Variants in SNAPC1 observed in about 807,000 individuals in gnomAD.
SNAPC1 encodes snRNA-activating protein complex subunit 1.
Under a neutral mutation model 50.1 loss-of-function variants are expected in SNAPC1, and 42 were observed. The observed-to-expected ratio is 0.84, with a 90% CI of 0.65 to 1.08. SNAPC1 has a LOEUF of 1.08. SNAPC1 is among the 50% of genes least tolerant of loss of function. The pLI is 0.00. For missense variants in SNAPC1, 477 were observed against 427.3 expected, an observed-to-expected ratio of 1.12 and a Z score of -1.02; for synonymous variants, 164 against 144.2, an observed-to-expected ratio of 1.14 and a Z score of -0.98.
chr14:61,777,785 A>G (rs1170107552), intron 5 of SNAPC1, among the ~76,000 whole-genome samples: 1 of 151,822 alleles, frequency 6.6e-6, no homozygotes, highest in Non-Finnish European at 1.5e-5. Context: ...AAAGAGCATT[A>G]CTCCAAGCTC....
chr14:61,782,870 C>T lies in SNAPC1; in HGVS notation c.976+473C>T, dbSNP rs112083510. Among the ~76,000 whole-genome samples the T allele has an allele frequency of 8.6e-3, 1,304 of 152,172 alleles. 6 individuals are homozygous for T. Among genetic ancestry groups the T allele is most frequent in the Middle Eastern group, 0.031 (9 of 294 alleles). On this transcript the variant is annotated intron_variant, in intron 8 of 9. Transcript: ENST00000216294. ...GCAGTGAGCTGAGATCATGTCACTT[C>T]ACTCCAGCATAGGTGACAGAGCAAG...
At chr14:61,785,651 T>G (rs989922928) in intron 8 of SNAPC1, among the ~76,000 whole-genome samples, 10 of 152,220 alleles carry the variant, frequency 6.6e-5, no homozygotes, top group African/African-American at 2.4e-4. Context: ...CATCAATATG[T>G]GTAAGTCGTA....
chr14:61,792,867 C>CAGA lies in SNAPC1; in HGVS notation c.1047_1049dup (p.Glu350dup). 1 of 1,605,618 alleles carries CAGA rather than the reference C, an allele frequency of 6.2e-7. No homozygotes were observed. The highest frequency in any genetic ancestry group is 8.5e-7 in the Non-Finnish European group (1 of 1,174,972). ...TTAAGTCTGAGTATGCCTGTAATTA[C>CAGA]AGAAGAAGAAGAGAATGAAAGTTTG... is the stretch of plus-strand genomic sequence containing the variant. On this transcript the variant is annotated inframe_insertion, in exon 9 of 10. Coordinates refer to ENST00000216294, the MANE Select transcript of SNAPC1 (RefSeq NM_003082.4).
At chr14:61,772,851 T>G (rs963044734) in intron 4 of SNAPC1, among the ~76,000 whole-genome samples, 1 of 152,120 alleles carries the variant, frequency 6.6e-6, no homozygotes, top group Non-Finnish European at 1.5e-5. Flanking sequence ...ATCAGAAGGG[T>G]CAAGCTATGA....
chr14:61,781,790 C>T (rs1349074261), intron 7 of SNAPC1, among the ~76,000 whole-genome samples: 2 of 152,210 alleles, frequency 1.3e-5, no homozygotes, highest in African/African-American at 4.8e-5. Flanking sequence ...ATACCACATA[C>T]CCCGCCTGCT....
intron 5 of SNAPC1, 39 bp from the exon 6 acceptor site, chr14:61,778,033 A>T: frequency 1.1e-6 from 1 of 911,596 alleles, no homozygotes; most frequent in Non-Finnish European, 1.7e-6. Context: ...GTAAATTTGT[A>T]TGTGTGTATG....
chr14:61,791,964 T>G (rs555128825), intron 8 of SNAPC1, among the ~76,000 whole-genome samples: 1 of 152,168 alleles, frequency 6.6e-6, no homozygotes, highest in African/African-American at 2.4e-5. Context: ...CTTATTGTAG[T>G]GAACATCTTT....
intron 4 of SNAPC1, among the ~76,000 whole-genome samples, chr14:61,770,071 G>A (rs1313618680): frequency 1.3e-5 from 2 of 152,074 alleles, no homozygotes; most frequent in East Asian, 1.9e-4. Context: ...ATGAGGTGAT[G>A]CCTAAATAGT....
Position 61,762,585 on chromosome 14 carries a change from T to A in SNAPC1, c.125T>A (p.Phe42Tyr). 3.1e-6 allele frequency: 5 copies of A among 1,613,288 alleles called. No individual in the cohort carries two copies. Among genetic ancestry groups the A allele is most frequent in the Non-Finnish European group, 4.2e-6 (5 of 1,179,606 alleles). ...AGAAACATGAAGTTCGGGACTATCT[T>A]CTGGTGGGTGTTTCTTGTCCACCAC... is the stretch of plus-strand genomic sequence containing the variant. ...LWRNMKFGTIFCGRMRNLEKN... is the reference protein window; with the variant it reads ...LWRNMKFGTIYCGRMRNLEKN... The change falls in exon 1 of 10, where the codon TTC becomes TAC. Residue 42 changes from phenylalanine (F) to tyrosine (Y), a missense_variant. Physicochemically the swap from Phe to Tyr is conservative, Grantham distance 22 (BLOSUM62 3). Transcript: ENST00000216294.
chr14:61,783,109 G>A (rs1056480271), intron 8 of SNAPC1, among the ~76,000 whole-genome samples: 5 of 136,748 alleles, frequency 3.7e-5, no homozygotes, highest in Non-Finnish European at 7.6e-5. Flanking sequence ...TGCAACCTCC[G>A]CCTCCCAGGT....
chr14:61,786,375 G>T (rs1452661216), intron 8 of SNAPC1, among the ~76,000 whole-genome samples: 1 of 151,992 alleles, frequency 6.6e-6, no homozygotes, highest in Non-Finnish European at 1.5e-5. Flanking sequence ...CCACAGACTG[G>T]GAGAAAATTT....
chr14:61,773,710 A>AT (rs2045012787), intron 4 of SNAPC1, among the ~76,000 whole-genome samples: 1 of 82,834 alleles, frequency 1.2e-5, no homozygotes, highest in Non-Finnish European at 2.5e-5. Context: ...TTTTTTTTTT[A>AT]TTTTTTAAGG....
At chr14:61,770,707 A>G (rs977710368) in intron 4 of SNAPC1, among the ~76,000 whole-genome samples, 15 of 152,020 alleles carry the variant, frequency 9.9e-5, no homozygotes, top group Non-Finnish European at 2.9e-5. Flanking sequence ...CCCCCACCAC[A>G]TTGTATGAAA....
chr14:61,772,725 G>A (rs2045001341), intron 4 of SNAPC1, among the ~76,000 whole-genome samples: 1 of 152,198 alleles, frequency 6.6e-6, no homozygotes, highest in Non-Finnish European at 1.5e-5. Flanking sequence ...CAATTTGGTG[G>A]TAGAATGTAA....
At chr14:61,770,982 T>TCCGCCCGCCTCAGCCTCC (rs2044986012) in intron 4 of SNAPC1, among the ~76,000 whole-genome samples, 1 of 152,094 alleles carries the variant, frequency 6.6e-6, no homozygotes. Context: ...GCTCAGGCGA[T>TCCGCCCGCCTCAGCCTCC]CCGCCCGCCT....
rs1378353408 is a variant in SNAPC1, at chr14:61,781,466, AAAAG to A, written c.826-780_826-777del. Among the ~76,000 whole-genome samples the A allele has an allele frequency of 5.3e-3, 806 of 151,598 alleles. 10 individuals are homozygous for A. Among genetic ancestry groups the A allele is most frequent in the African/African-American group, 0.019 (783 of 41,128 alleles). On this transcript the variant is annotated intron_variant, in intron 7 of 9. Transcript: ENST00000216294. ...CTCCATCTCCAAAAAAAAAAAAAAA[AAAAG>A]GACAGAAAAAAGAATTGTTAATACC...
At chr14:61,779,827 G>T (rs1414455551) in intron 7 of SNAPC1, among the ~76,000 whole-genome samples, 1 of 150,864 alleles carries the variant, frequency 6.6e-6, no homozygotes, top group Non-Finnish European at 1.5e-5. Context: ...TCCTGCCTCA[G>T]CCTCTCGAGT....
At chr14:61,779,708 GT>G (rs5809124) in intron 7 of SNAPC1, among the ~76,000 whole-genome samples, 15,206 of 115,228 alleles carry the variant, frequency 0.13, 717 homozygotes, top group Non-Finnish European at 0.16. Flanking sequence ...CACTTTGTTG[GT>G]TTTTTTTTTT....
At chr14:61,786,578 C>T (rs866051434) in intron 8 of SNAPC1, among the ~76,000 whole-genome samples, 4 of 152,070 alleles carry the variant, frequency 2.6e-5, no homozygotes, top group South Asian at 2.1e-4. Flanking sequence ...TAAATTAAAA[C>T]CACAGTGACA....
Sources: gnomAD v4.1 joint callset for allele counts (sites outside exome capture counted in the v4.1 genomes callset) on GRCh38, gnomAD v4.1.1 for gene constraint, MANE v1.5 for transcripts, NCBI Gene and HGNC (gene_info 2026-07-23, HGNC 2026-07-21) for gene names.